The following PTPRK variants were observed in gnomAD, a reference collection of about 807,000 sequenced individuals.
PTPRK encodes the protein receptor-type tyrosine-protein phosphatase kappa.
PTPRK carries 75 observed loss-of-function variants against 178.0 expected under a neutral mutation model. That is an observed-to-expected ratio of 0.42 (90% CI 0.35 to 0.51). The LOEUF (loss-of-function observed/expected upper bound fraction) is 0.51. PTPRK is among the 20% of genes least tolerant of loss of function. The probability of loss-of-function intolerance (pLI) is 0.02; values close to 1 mark genes in which losing one functional copy is unlikely to be tolerated. For missense variants in PTPRK, 1,441 were observed against 1,797.8 expected (o/e 0.80, Z 3.59); for synonymous variants, 637 against 620.6 (o/e 1.03, Z -0.39).
intron 16 of PTPRK, among the ~76,000 whole-genome samples, chr6:127,997,478 T>C (rs1334717355): frequency 6.6e-6 from 1 of 151,974 alleles, no homozygotes; most frequent in East Asian, 1.9e-4. Flanking sequence ...AAAGAGTGAG[T>C]CTTCACAACA....
At chr6:128,361,803 G>A (rs564960228) in intron 2 of PTPRK, among the ~76,000 whole-genome samples, 1 of 152,170 alleles carries the variant, frequency 6.6e-6, no homozygotes, top group East Asian at 1.9e-4. Context: ...ACATCATTAT[G>A]TGGCAAATGA....
chr6:128,066,824 G>C (rs1234732529), intron 12 of PTPRK, among the ~76,000 whole-genome samples: 3 of 152,138 alleles, frequency 2.0e-5, no homozygotes, highest in African/African-American at 7.2e-5. Context: ...GGAACTGCCG[G>C]TCGTTTCTAA....
At chr6:128,325,088 T>C (rs553938830) in intron 2 of PTPRK, among the ~76,000 whole-genome samples, 5 of 152,190 alleles carry the variant, frequency 3.3e-5, no homozygotes, top group Non-Finnish European at 7.4e-5. Flanking sequence ...TTCCCACACA[T>C]ACAATGTACT....
chr6:128,321,982 A>G, intron 3 of PTPRK, 57 bp downstream of exon 3: 1 of 1,604,650 alleles, frequency 6.2e-7, no homozygotes, highest in Non-Finnish European at 8.5e-7. Flanking sequence ...TATGTATTAC[A>G]CATATAGTGA....
chr6:128,231,916 G>A (rs1378840281), intron 5 of PTPRK, among the ~76,000 whole-genome samples: 7 of 152,070 alleles, frequency 4.6e-5, no homozygotes, highest in East Asian at 1.9e-4. Flanking sequence ...GCCCAAAATC[G>A]TTTTGTTTCT....
intron 5 of PTPRK, among the ~76,000 whole-genome samples, chr6:128,221,774 T>C (rs1294679682): frequency 6.6e-6 from 1 of 151,818 alleles, no homozygotes; most frequent in African/African-American, 2.4e-5. Context: ...TGCAGCAAGA[T>C]CCCCCACTCA....
chr6:128,129,532 TCAA>T (rs947533804), intron 7 of PTPRK, among the ~76,000 whole-genome samples: 5 of 152,046 alleles, frequency 3.3e-5, no homozygotes, highest in Non-Finnish European at 5.9e-5. Flanking sequence ...CACACTACCT[TCAA>T]CAACAACAAC....
At chr6:128,410,858 A>G (rs1428759518) in intron 1 of PTPRK, among the ~76,000 whole-genome samples, 1 of 152,192 alleles carries the variant, frequency 6.6e-6, no homozygotes, top group Non-Finnish European at 1.5e-5. Context: ...CTGGGCCTTC[A>G]GTGGCAAAAC....
chr6:128,419,497 C>G (rs868367350), intron 1 of PTPRK, among the ~76,000 whole-genome samples: 2 of 152,084 alleles, frequency 1.3e-5, no homozygotes, highest in Middle Eastern at 3.4e-3. Flanking sequence ...CACCTGTAGT[C>G]CCAGCTGAGG....
At chr6:128,414,775 G>A (rs1047781757) in intron 1 of PTPRK, among the ~76,000 whole-genome samples, 4 of 151,772 alleles carry the variant, frequency 2.6e-5, no homozygotes, top group Non-Finnish European at 5.9e-5. Context: ...GACTGTAGGT[G>A]GTACTTTCAC....
intron 12 of PTPRK, among the ~76,000 whole-genome samples, chr6:128,065,490 T>C (rs1432408384): frequency 6.6e-6 from 1 of 152,126 alleles, no homozygotes; most frequent in Admixed American, 6.6e-5. Context: ...TTGGCCCCAC[T>C]CTTCCTCCTC....
intron 7 of PTPRK, among the ~76,000 whole-genome samples, chr6:128,125,907 C>T (rs369312387): frequency 9.9e-5 from 15 of 151,842 alleles, no homozygotes; most frequent in South Asian, 4.1e-4. Flanking sequence ...TGTGCCCAGT[C>T]GCCTTTGGGG....
intron 15 of PTPRK, chr6:128,001,346 A>G: frequency 1.9e-6 from 1 of 521,800 alleles, no homozygotes; most frequent in Non-Finnish European, 3.3e-6. Flanking sequence ...ATAAATACAA[A>G]AATGATTGGA....
intron 28 of PTPRK, 118 bp from the exon 29 acceptor site, chr6:127,973,275 C>T: frequency 6.7e-7 from 1 of 1,495,360 alleles, no homozygotes; most frequent in South Asian, 1.3e-5. Flanking sequence ...CCATTTGTGT[C>T]TTAATTTTGC....
At chr6:128,346,021 T>C (rs1562325522) in intron 2 of PTPRK, among the ~76,000 whole-genome samples, 1 of 152,140 alleles carries the variant, frequency 6.6e-6, no homozygotes. Flanking sequence ...AAATGTCTTA[T>C]TTATCTTGCA....
intron 7 of PTPRK, among the ~76,000 whole-genome samples, chr6:128,165,127 G>A (rs556585701): frequency 2.0e-5 from 3 of 150,548 alleles, no homozygotes; most frequent in South Asian, 2.1e-4. Context: ...TTGGCCTACC[G>A]CATTAAAAAA....
intron 1 of PTPRK, among the ~76,000 whole-genome samples, chr6:128,452,568 G>C (rs1161184567): frequency 6.6e-6 from 1 of 152,080 alleles, no homozygotes; most frequent in Non-Finnish European, 1.5e-5. Flanking sequence ...GCAAGACACA[G>C]CAAGGTCTTT....
At chr6:128,293,718 C>T (rs940785896) in intron 3 of PTPRK, among the ~76,000 whole-genome samples, 5 of 151,996 alleles carry the variant, frequency 3.3e-5, no homozygotes, top group Non-Finnish European at 5.9e-5. Context: ...AAATACTTTT[C>T]CAGGAATTAT....
chr6:128,322,994 G>C (rs908633566), intron 2 of PTPRK, among the ~76,000 whole-genome samples: 2 of 152,044 alleles, frequency 1.3e-5, no homozygotes, highest in African/African-American at 4.8e-5. Context: ...CACCCACTAA[G>C]GTGTCAGCTA....
Sources: gnomAD v4.1 joint callset for allele counts (sites outside exome capture counted in the v4.1 genomes callset) on GRCh38, gnomAD v4.1.1 for gene constraint, MANE v1.5 for transcripts, NCBI Gene and HGNC (gene_info 2026-07-23, HGNC 2026-07-21) for gene names.